ADGRG4: variants seen among roughly 807,000 people sequenced by gnomAD.
The protein encoded by ADGRG4 is adhesion G protein-coupled receptor G4, also known as G protein-coupled receptor 112.
In ADGRG4, 122 loss-of-function variants were observed where a neutral mutation model predicts 126.2. The observed-to-expected ratio is 0.97, with a 90% confidence interval of 0.83 to 1.12. ADGRG4 has a LOEUF of 1.12. ADGRG4 is among the 50% of genes most tolerant of loss of function. The pLI is 0.00. For synonymous variants in ADGRG4, 943 were observed against 838.7 expected (o/e 1.12, Z -2.15); for missense variants, 2,481 against 2,251.8 (o/e 1.10, Z -2.06).
intron 22 of ADGRG4, among the ~76,000 whole-genome samples, chrX:136,404,813 G>GT (rs1217065402): frequency 9.0e-6 from 1 of 111,496 alleles, no homozygotes; most frequent in Non-Finnish European, 1.9e-5. Context: ...AAAATTAAAT[G>GT]TTTTTTTAAC....
In ADGRG4 at chrX:136,412,309, C is replaced by T. The variant is rs144761853; in HGVS notation, c.8980C>T (p.Arg2994Trp). Residue 2994 changes from arginine (R) to tryptophan (W), a missense_variant, in exon 24 of 26, where the codon CGG becomes TGG. By Grantham distance (101) the Arg-to-Trp change is moderately radical. Transcript: ENST00000394143. ...VFHCVMKESV[R>W]EQWQIHLCCG... ...TCACTGTGTGATGAAGGAGAGTGTG[C>T]GGGAGCAGTGGCAGATACACCTCTG... The T allele has an allele frequency of 1.5e-4, 182 of 1,201,455 alleles. No homozygotes were observed. The highest frequency in any genetic ancestry group is 2.3e-4 in the Middle Eastern group (1 of 4,330).
In ADGRG4 at chrX:136,350,203, C is replaced by G; in HGVS notation, c.6497C>G (p.Ser2166Cys). ...WNRIPTASSP[S>C]TLIIPKPTLD... The stretch of plus-strand genomic sequence containing the variant: ...AGAATTCCAACTGCATCATCACCCT[C>G]TACTTTAATTATTCCTAAGCCCACA... Residue 2166 changes from serine to cysteine, a missense_variant, in exon 6 of 26, where the codon TCT (serine) becomes TGT (cysteine). Ser to Cys is a moderately radical substitution (Grantham distance 112). Coordinates refer to ENST00000394143, the MANE Select transcript of ADGRG4 (RefSeq NM_153834.4). 1 of 1,209,291 alleles carries G rather than the reference C, an allele frequency of 8.3e-7. No individual in the cohort carries two copies. Among genetic ancestry groups the G allele is most frequent in the Middle Eastern group, 2.3e-4 (1 of 4,346 alleles).
At chrX:136,368,505 T>G (rs907452594) in intron 13 of ADGRG4, among the ~76,000 whole-genome samples, 2 of 111,778 alleles carry the variant, frequency 1.8e-5, no homozygotes, top group African/African-American at 6.5e-5. Context: ...TTGAGATGCT[T>G]CCTCAGAGCC....
chrX:136,391,394 CT>C (rs1026577244), intron 16 of ADGRG4, among the ~76,000 whole-genome samples: 1 of 111,592 alleles, frequency 9.0e-6, no homozygotes, highest in African/African-American at 3.3e-5. Context: ...GCCTGGGGTA[CT>C]TTGGCACTGT....
At chrX:136,342,178 C>A (rs2074982791) in intron 5 of ADGRG4, among the ~76,000 whole-genome samples, 1 of 111,994 alleles carries the variant, frequency 8.9e-6, no homozygotes, top group South Asian at 3.7e-4. Flanking sequence ...CAGAAGCAAA[C>A]TTTGAGTTCT....
intron 5 of ADGRG4, among the ~76,000 whole-genome samples, chrX:136,327,554 C>T: frequency 9.1e-6 from 1 of 109,516 alleles, no homozygotes; most frequent in African/African-American, 3.3e-5. Context: ...TGGACAGACA[C>T]ATAGGTATAT....
chrX:136,406,113 C>T, intron 23 of ADGRG4, 141 bp downstream of exon 23: 1 of 649,865 alleles, frequency 1.5e-6, no homozygotes, highest in Non-Finnish European at 2.3e-6. Flanking sequence ...CTCTCTCTTG[C>T]TCAGTGGTAT....
intron 22 of ADGRG4, among the ~76,000 whole-genome samples, chrX:136,404,680 A>G (rs1881091197): frequency 1.8e-5 from 2 of 112,180 alleles, no homozygotes; most frequent in Admixed American, 1.9e-4. Context: ...CCACTTAACA[A>G]TATATCTTGG....
At chrX:136,398,349 C>A (rs994973672) in intron 20 of ADGRG4, among the ~76,000 whole-genome samples, 1 of 111,793 alleles carries the variant, frequency 8.9e-6, no homozygotes, top group African/African-American at 3.3e-5. Context: ...AAGATATTCA[C>A]AATGCATATA....
At chrX:136,396,594 CA>C (rs771100359) in intron 19 of ADGRG4, among the ~76,000 whole-genome samples, 1,070 of 57,358 alleles carry the variant, frequency 0.019, 13 homozygotes, top group Non-Finnish European at 0.027. Flanking sequence ...GAACCTGTCC[CA>C]AAAAAAAAAA....
chrX:136,383,848 T>TTC (rs2075277133), intron 15 of ADGRG4, among the ~76,000 whole-genome samples: 2 of 93,894 alleles, frequency 2.1e-5, no homozygotes, highest in Non-Finnish European at 4.3e-5. Context: ...CTTTCTTTCT[T>TTC]TCTTTCTTTC....
At position 136,346,459 on chromosome X, in the gene ADGRG4, C is replaced by G. The variant is rs2075017957; in HGVS notation, c.2753C>G (p.Thr918Ser). The change falls in exon 6 of 26, where the codon ACC becomes AGC. Residue 918 changes from threonine (T) to serine (S), a missense_variant. By Grantham distance (58) the Thr-to-Ser change is moderately conservative. Coordinates refer to ENST00000394143, the MANE Select transcript of ADGRG4 (RefSeq NM_153834.4). ...TGGCTTTTGACAAAATTGGTGAAAA[C>G]CACACCTAGGAGTTCATACAATGAA... Reference protein sequence around the residue: ...ESWLLTKLVKTTPRSSYNEMT... With the variant: ...ESWLLTKLVKSTPRSSYNEMT... 3.3e-6 allele frequency: 4 copies of G among 1,211,184 alleles called. No homozygotes were observed. The highest frequency in any genetic ancestry group is 3.4e-6 in the Non-Finnish European group (3 of 894,996).
Position 136,398,748 on chromosome X carries a change from G to A in ADGRG4, c.8306+746G>A, listed in dbSNP as rs767227677. ...CCTGTTAAATATAAATATACATCTC[G>A]CTGTTGGCCCAGGAATTTCACTCTT... On this transcript the variant is annotated intron_variant, in intron 20 of 25. Transcript: ENST00000394143. Among the ~76,000 whole-genome samples the A allele has an allele frequency of 8.1e-5, 9 of 111,630 alleles. No individual in the cohort carries two copies. The East Asian group carries it at 1.7e-3, about 21-fold the overall frequency.
At chrX:136,332,075 T>C in intron 5 of ADGRG4, among the ~76,000 whole-genome samples, 1 of 109,465 alleles carries the variant, frequency 9.1e-6, no homozygotes. Context: ...TACATATGTA[T>C]ACATGTGCCA....
At position 136,399,837 on chromosome X, in the gene ADGRG4, T is replaced by G; in HGVS notation, c.8307-11T>G. 7.5e-6 allele frequency: 9 copies of G among 1,198,542 alleles called. No individual in the cohort carries two copies. Among genetic ancestry groups the G allele is most frequent in the Non-Finnish European group, 1.0e-5 (9 of 886,913 alleles). On this transcript the variant is annotated splice_polypyrimidine_tract_variant and intron_variant, in intron 20 of 25. Coordinates refer to ENST00000394143, the MANE Select transcript of ADGRG4 (RefSeq NM_153834.4). The stretch of plus-strand genomic sequence containing the variant: ...AGACTTTACCTAACAACATTGTACT[T>G]TCTCTTTTAGCAAACTTCGAAAAGA...
intron 15 of ADGRG4, among the ~76,000 whole-genome samples, chrX:136,386,114 T>A (rs1204845067): frequency 1.8e-5 from 2 of 112,544 alleles, no homozygotes; most frequent in Non-Finnish European, 3.8e-5. Flanking sequence ...CCTTGTGATG[T>A]TACCTTTTTC....
intron 10 of ADGRG4, among the ~76,000 whole-genome samples, chrX:136,358,475 G>T (rs1254285708): frequency 8.9e-6 from 1 of 112,232 alleles, no homozygotes; most frequent in Non-Finnish European, 1.9e-5. Flanking sequence ...AAAAAGCCGT[G>T]TCTACAAATG....
chrX:136,348,534 G>A lies in ADGRG4; in HGVS notation c.4828G>A (p.Val1610Ile). Reference sequence around the variant, plus strand: ...GACCATGCAAACATCTACATTGGATGTCACACCTGTGATATATGCTGGGGC... The same window carrying A: ...GACCATGCAAACATCTACATTGGATATCACACCTGTGATATATGCTGGGGC... ...TMTMQTSTLD[V>I]TPVIYAGATS... The change falls in exon 6 of 26, where the codon GTC becomes ATC. Residue 1610 changes from valine to isoleucine, a missense_variant. Val to Ile is a conservative substitution (Grantham distance 29). Transcript: ENST00000394143. 1 of 1,206,872 alleles carries A rather than the reference G, an allele frequency of 8.3e-7. No homozygotes were observed. The highest frequency in any genetic ancestry group is 1.1e-6 in the Non-Finnish European group (1 of 891,505).
Position 136,344,640 on chromosome X carries a change from A to G in ADGRG4, c.934A>G (p.Thr312Ala), listed in dbSNP as rs760539226. 8 of 1,209,117 alleles carry G rather than the reference A, an allele frequency of 6.6e-6. No homozygotes were observed. Among genetic ancestry groups the G allele is most frequent in the Non-Finnish European group, 8.9e-6 (8 of 894,264 alleles). Reference sequence around the variant, plus strand: ...AAAGACACTGGTAGATGAGACAGCTACATTTGCAGTGGATGTTTTATCAAC... The same window carrying G: ...AAAGACACTGGTAGATGAGACAGCTGCATTTGCAGTGGATGTTTTATCAAC... Reference protein sequence around the residue: ...ILKTLVDETATFAVDVLSTSS... With the variant: ...ILKTLVDETAAFAVDVLSTSS... The change falls in exon 6 of 26, where the codon ACA becomes GCA. Residue 312 changes from threonine (T) to alanine (A), a missense_variant. Thr to Ala is a moderately conservative substitution (Grantham distance 58). Coordinates refer to ENST00000394143, the MANE Select transcript of ADGRG4 (RefSeq NM_153834.4).
Sources: allele counts gnomAD v4.1 joint callset (sites outside exome capture counted in the v4.1 genomes callset), GRCh38; gene constraint gnomAD v4.1.1; transcripts MANE v1.5; gene names NCBI Gene and HGNC (gene_info 2026-07-23, HGNC 2026-07-21).